RABGAP1L: variants seen among roughly 807,000 people sequenced by gnomAD.
RABGAP1L encodes RAB GTPase activating protein 1 like, also known as rab GTPase-activating protein 1-like.
A neutral mutation model predicts 137.7 loss-of-function variants in RABGAP1L; 63 were observed. That is an observed-to-expected ratio of 0.46 (90% confidence interval 0.37 to 0.56). RABGAP1L has a LOEUF of 0.56. Ranked by LOEUF, RABGAP1L falls within the 20% of genes least tolerant of loss-of-function variation. The probability of loss-of-function intolerance (pLI) is 0.00; values close to 1 mark genes in which losing one functional copy is unlikely to be tolerated. For missense variants in RABGAP1L, 1,095 were observed against 1,244.0 expected, an observed-to-expected ratio of 0.88 and a Z score of 1.80; for synonymous variants, 431 against 433.7, an observed-to-expected ratio of 0.99 and a Z score of 0.08.
chr1:174,177,366 G>T (rs1665972765), intron 1 of RABGAP1L, among the ~76,000 whole-genome samples: 1 of 152,100 alleles, frequency 6.6e-6, no homozygotes, highest in Non-Finnish European at 1.5e-5. Context: ...GTTTCTTGTA[G>T]ATTCTGGATA....
chr1:174,313,128 C>T (rs542231487), intron 11 of RABGAP1L, among the ~76,000 whole-genome samples: 15 of 152,204 alleles, frequency 9.9e-5, no homozygotes, highest in South Asian at 2.1e-4. Context: ...GAGGTTTCAC[C>T]GTGCTAGGCA....
rs921704292 is a variant in RABGAP1L at position 174,936,423 on chromosome 1, C to T, written c.2341-21034C>T. On this transcript the variant is annotated intron_variant, in intron 19 of 25. Transcript: ENST00000681986. ...TTCAAGACCAGCCTGGGCAACATGGCGAAACCCTGTCTCCACAAAAAATAC... is the reference window on the plus strand; with the variant it reads ...TTCAAGACCAGCCTGGGCAACATGGTGAAACCCTGTCTCCACAAAAAATAC... 9.2e-5 allele frequency among the ~76,000 whole-genome samples: 14 copies of T among 151,964 alleles called. No homozygotes were observed. The South Asian group carries it at 1.5e-3, about 16-fold the overall frequency.
At chr1:174,315,576 C>T (rs765256071) in intron 11 of RABGAP1L, among the ~76,000 whole-genome samples, 2 of 146,622 alleles carry the variant, frequency 1.4e-5, no homozygotes, top group African/African-American at 5.0e-5. Flanking sequence ...TCCTGTCTTT[C>T]TATAGTGAAG....
intron 7 of RABGAP1L, among the ~76,000 whole-genome samples, chr1:174,255,574 G>A (rs1673056359): frequency 6.6e-6 from 1 of 152,180 alleles, no homozygotes; most frequent in Admixed American, 6.5e-5. Context: ...AGCCAGGCTG[G>A]AGTGCCATGG....
In RABGAP1L at chr1:174,990,166, A is replaced by G; in HGVS notation, c.*165A>G. 3.4e-6 allele frequency: 3 copies of G among 886,002 alleles called. No individual in the cohort carries two copies. In the Middle Eastern group the frequency reaches 6.9e-4, roughly 204 times the overall value. The allele number at this position is 886,002 out of a possible 1,614,324, so 54.9% of individuals were successfully genotyped here. A position where few individuals can be genotyped will look rare whatever the true frequency, so the allele number is the denominator to read the frequency against. On this transcript the variant is annotated 3_prime_UTR_variant, in exon 26 of 26. Coordinates refer to ENST00000681986, the MANE Select transcript of RABGAP1L (RefSeq NM_001366446.1). Reference sequence around the variant, plus strand: ...GTATGACACTTTTCAAAGGGATGCTATTTAAACTGACCTGTTCTATGTTGA... The same window carrying G: ...GTATGACACTTTTCAAAGGGATGCTGTTTAAACTGACCTGTTCTATGTTGA...
chr1:174,936,613 C>T (rs1435099229), intron 19 of RABGAP1L, among the ~76,000 whole-genome samples: 1 of 151,998 alleles, frequency 6.6e-6, no homozygotes, highest in East Asian at 1.9e-4. Flanking sequence ...TAAATAAATA[C>T]ATTGAAGCAT....
chr1:174,451,039 G>A (rs377256931), intron 13 of RABGAP1L, among the ~76,000 whole-genome samples: 9 of 152,214 alleles, frequency 5.9e-5, no homozygotes, highest in East Asian at 1.9e-4. Context: ...ATATCAAAAT[G>A]AGACTTTGCC....
At chr1:174,165,756 C>T (rs981091300) in intron 1 of RABGAP1L, among the ~76,000 whole-genome samples, 3 of 152,134 alleles carry the variant, frequency 2.0e-5, no homozygotes, top group African/African-American at 7.2e-5. Context: ...GCCTCGGCCT[C>T]CCAAAGTGCT....
intron 15 of RABGAP1L, among the ~76,000 whole-genome samples, 167 bp from the exon 16 acceptor site, chr1:174,699,358 C>T (rs530116313): frequency 6.6e-6 from 1 of 152,276 alleles, no homozygotes; most frequent in South Asian, 2.1e-4. Context: ...GATAATTCAT[C>T]TCAAGTAAGG....
At chr1:174,189,122 C>T (rs769576246) in intron 1 of RABGAP1L, among the ~76,000 whole-genome samples, 1 of 152,166 alleles carries the variant, frequency 6.6e-6, no homozygotes, top group Non-Finnish European at 1.5e-5. Context: ...TCTCCTGCCT[C>T]AGCCTCCCGA....
intron 19 of RABGAP1L, among the ~76,000 whole-genome samples, chr1:174,878,659 A>C (rs1653563960): frequency 6.6e-6 from 1 of 152,188 alleles, no homozygotes; most frequent in African/African-American, 2.4e-5. Flanking sequence ...TCTCTATTTT[A>C]AGGCACAGGA....
At chr1:174,584,550 A>G (rs1034900703) in intron 13 of RABGAP1L, among the ~76,000 whole-genome samples, 1 of 152,200 alleles carries the variant, frequency 6.6e-6, no homozygotes. Flanking sequence ...CAACATAGCA[A>G]GACTCCATCT....
In RABGAP1L at chr1:174,331,724, C is replaced by T. The variant is rs373527290; in HGVS notation, c.1465+26597C>T. 3.2e-3 allele frequency among the ~76,000 whole-genome samples: 487 copies of T among 152,124 alleles called. 4 individuals carry two copies. Among genetic ancestry groups the T allele is most frequent in the African/African-American group, 0.011 (474 of 41,518 alleles). On this transcript the variant is annotated intron_variant, in intron 11 of 25. Coordinates refer to ENST00000681986, the MANE Select transcript of RABGAP1L (RefSeq NM_001366446.1). ...TAAGTTTTAGGGTACACGTGCACAA[C>T]GTGCAGGTTTGTTACATATGTATAC...
chr1:174,185,576 C>G (rs1246613496), intron 1 of RABGAP1L, among the ~76,000 whole-genome samples: 1 of 152,092 alleles, frequency 6.6e-6, no homozygotes, highest in Non-Finnish European at 1.5e-5. Context: ...CTACTTCTCC[C>G]TATACATTGT....
intron 13 of RABGAP1L, among the ~76,000 whole-genome samples, chr1:174,455,057 A>G (rs1257692156): frequency 2.0e-5 from 3 of 152,176 alleles, no homozygotes; most frequent in Admixed American, 6.5e-5. Context: ...CTTTCTCCAA[A>G]GGTGAAGAAA....
chr1:174,726,566 T>C (rs150577600), intron 17 of RABGAP1L, among the ~76,000 whole-genome samples: 2 of 152,302 alleles, frequency 1.3e-5, no homozygotes, highest in Non-Finnish European at 2.9e-5. Context: ...TCATCATTAC[T>C]GAATTATCAA....
At chr1:174,231,456 A>T in intron 4 of RABGAP1L, 101 bp downstream of exon 4, 1 of 1,055,136 alleles carries the variant, frequency 9.5e-7, no homozygotes, top group Non-Finnish European at 1.5e-6. Context: ...GTGAACTCAC[A>T]CTGTAGACAT....
intron 18 of RABGAP1L, among the ~76,000 whole-genome samples, chr1:174,768,382 C>A (rs1305519875): frequency 1.3e-5 from 2 of 152,196 alleles, no homozygotes; most frequent in Non-Finnish European, 2.9e-5. Context: ...AGCTGGTGAT[C>A]AGCAGCTTCT....
chr1:174,335,235 G>A (rs570153199), intron 11 of RABGAP1L, among the ~76,000 whole-genome samples: 1 of 152,148 alleles, frequency 6.6e-6, no homozygotes, highest in Non-Finnish European at 1.5e-5. Context: ...AGCTGGAGGT[G>A]GCATAAAAAT....
Sources: allele counts gnomAD v4.1 joint callset (sites outside exome capture counted in the v4.1 genomes callset), GRCh38; gene constraint gnomAD v4.1.1; transcripts MANE v1.5; gene names NCBI Gene and HGNC (gene_info 2026-07-23, HGNC 2026-07-21).